The following PIBF1 variants were observed in gnomAD, a reference collection of about 807,000 sequenced individuals.
PIBF1 encodes progesterone immunomodulatory binding factor 1.
A neutral mutation model predicts 112.5 loss-of-function variants in PIBF1; 90 were observed. The ratio of observed to expected loss-of-function variants is 0.80; its 90% CI spans 0.67 to 0.95. The LOEUF (loss-of-function observed/expected upper bound fraction) is 0.95, where lower values mean the gene tolerates loss of function less well. Ranked by LOEUF, PIBF1 falls within the 40% of genes least tolerant of loss-of-function variation. The pLI is 0.00. For synonymous variants in PIBF1, 301 were observed against 288.6 expected, an observed-to-expected ratio of 1.04 and a Z score of -0.44; for missense variants, 915 against 852.3, an observed-to-expected ratio of 1.07 and a Z score of -0.92.
At position 72,903,052 on chromosome 13, in the gene PIBF1, C is replaced by T. The variant is rs565757462; in HGVS notation, c.1489-5479C>T. Among the ~76,000 whole-genome samples, 20 of 152,112 alleles carry T rather than the reference C, an allele frequency of 1.3e-4. No individual in the cohort carries two copies. The East Asian group carries it at 1.6e-3, about 12-fold the overall frequency. ...CTAAGATTACAGGCGTGCACCACCACGCCCAGCTAATGTTTTTATGTTTTT... is the reference window on the plus strand; with the variant it reads ...CTAAGATTACAGGCGTGCACCACCATGCCCAGCTAATGTTTTTATGTTTTT... On this transcript the variant is annotated intron_variant, in intron 11 of 17. Transcript: ENST00000326291.
intron 5 of PIBF1, among the ~76,000 whole-genome samples, chr13:72,807,294 G>A (rs1307097391): frequency 1.3e-5 from 2 of 152,082 alleles, no homozygotes; most frequent in Non-Finnish European, 2.9e-5. Context: ...CATTTATTGG[G>A]CTGGGCACAG....
At position 72,888,180 on chromosome 13, in the gene PIBF1, A is replaced by AT. The variant is rs1404118554; in HGVS notation, c.1323-5601dup. Among the ~76,000 whole-genome samples the AT allele has an allele frequency of 1.4e-4, 22 of 152,300 alleles. No individual in the cohort carries two copies. The East Asian group carries it at 4.1e-3, about 28-fold the overall frequency. ...GTGAGAAATTGGGGAGAGGTTAACT[A>AT]TTTAACAATGAAAGAATTGTTGAGA... On this transcript the variant is annotated intron_variant, in intron 10 of 17. Coordinates refer to ENST00000326291, the MANE Select transcript of PIBF1 (RefSeq NM_006346.4).
intron 14 of PIBF1, among the ~76,000 whole-genome samples, 196 bp downstream of exon 14, chr13:72,931,463 G>C (rs2041694499): frequency 6.6e-6 from 1 of 152,044 alleles, no homozygotes; most frequent in Non-Finnish European, 1.5e-5. Flanking sequence ...ACAAAAGGGA[G>C]ATTAAATGCC....
chr13:72,933,276 C>T (rs1373462494), intron 14 of PIBF1, among the ~76,000 whole-genome samples: 2 of 152,188 alleles, frequency 1.3e-5, no homozygotes, highest in Admixed American at 1.3e-4. Flanking sequence ...GTGGCTCATG[C>T]CTATTATCCC....
At chr13:72,808,909 T>C (rs1258666095) in intron 5 of PIBF1, among the ~76,000 whole-genome samples, 2 of 152,168 alleles carry the variant, frequency 1.3e-5, no homozygotes, top group African/African-American at 4.8e-5. Context: ...TCCATAGTGG[T>C]TTACTAAGAG....
In PIBF1 at chr13:72,784,398, A is replaced by G. The variant is rs561864322; in HGVS notation, c.252+677A>G. ...GAGGCAGAGTTTGCAGTGAGCCACA[A>G]TCGTGCCACTGCACTCCAGCCTGGG... On this transcript the variant is annotated intron_variant, in intron 2 of 17. Transcript: ENST00000326291. Among the ~76,000 whole-genome samples, 7 of 152,130 alleles carry G rather than the reference A, an allele frequency of 4.6e-5. No homozygotes were observed. In the South Asian group the frequency reaches 1.0e-3, roughly 23 times the overall value.
chr13:72,836,544 A>G (rs2037369556), intron 9 of PIBF1, among the ~76,000 whole-genome samples: 1 of 152,156 alleles, frequency 6.6e-6, no homozygotes, highest in Admixed American at 6.6e-5. Flanking sequence ...TAAAAACTAT[A>G]TATGTAGAAT....
At chr13:72,887,945 A>T (rs75012373) in intron 10 of PIBF1, among the ~76,000 whole-genome samples, 2 of 152,208 alleles carry the variant, frequency 1.3e-5, no homozygotes, top group Non-Finnish European at 2.9e-5. Flanking sequence ...ACCAAGGTCA[A>T]TACAGTAGAA....
intron 11 of PIBF1, among the ~76,000 whole-genome samples, chr13:72,906,628 G>A (rs1199303064): frequency 6.6e-6 from 1 of 152,072 alleles, no homozygotes; most frequent in Non-Finnish European, 1.5e-5. Flanking sequence ...TTGGGAGATA[G>A]CCCACATCAG....
intron 16 of PIBF1, among the ~76,000 whole-genome samples, chr13:72,976,037 G>A (rs533602939): frequency 3.1e-4 from 47 of 152,194 alleles, no homozygotes; most frequent in African/African-American, 1.1e-3. Flanking sequence ...TTACTCATGA[G>A]TCCAAATAAA....
intron 10 of PIBF1, among the ~76,000 whole-genome samples, chr13:72,855,767 C>T (rs1252681801): frequency 6.6e-6 from 1 of 152,070 alleles, no homozygotes; most frequent in East Asian, 1.9e-4. Flanking sequence ...TATTTTATTA[C>T]GTGTAACGCT....
chr13:72,840,673 G>A (rs1318473319), intron 9 of PIBF1, among the ~76,000 whole-genome samples: 16 of 151,842 alleles, frequency 1.1e-4, no homozygotes, highest in Admixed American at 7.9e-4. Context: ...ACAGGTTCGC[G>A]CCACCACGCC....
intron 11 of PIBF1, among the ~76,000 whole-genome samples, chr13:72,897,838 C>T (rs568827607): frequency 3.9e-5 from 6 of 152,118 alleles, no homozygotes; most frequent in Non-Finnish European, 8.8e-5. Flanking sequence ...AGATAATCAG[C>T]AACACAGTAA....
chr13:72,928,026 CATATAT>C (rs67144729), intron 13 of PIBF1, among the ~76,000 whole-genome samples: 31 of 118,632 alleles, frequency 2.6e-4, no homozygotes, highest in Non-Finnish European at 1.5e-4. Flanking sequence ...CATATATATA[CATATAT>C]ATATATATAT....
chr13:72,842,938 C>T (rs906131369), intron 9 of PIBF1, among the ~76,000 whole-genome samples: 1 of 152,166 alleles, frequency 6.6e-6, no homozygotes, highest in Admixed American at 6.6e-5. Context: ...TTCACTGCTT[C>T]ATTAATAATA....
intron 11 of PIBF1, among the ~76,000 whole-genome samples, chr13:72,900,113 C>T (rs2040427702): frequency 6.6e-6 from 1 of 151,996 alleles, no homozygotes; most frequent in Non-Finnish European, 1.5e-5. Flanking sequence ...ATGACACAAA[C>T]AAATGGAAAC....
intron 8 of PIBF1, among the ~76,000 whole-genome samples, chr13:72,831,488 G>C (rs939145623): frequency 6.6e-6 from 1 of 151,844 alleles, no homozygotes; most frequent in Non-Finnish European, 1.5e-5. Context: ...TGGTTTCAAA[G>C]AACATCTTTA....
intron 16 of PIBF1, among the ~76,000 whole-genome samples, chr13:72,983,734 G>A (rs1439352815): frequency 6.6e-6 from 1 of 151,896 alleles, no homozygotes; most frequent in East Asian, 1.9e-4. Context: ...CCAACAAATT[G>A]CATTTTTCTT....
At chr13:72,926,579 G>A (rs1309009808) in intron 13 of PIBF1, among the ~76,000 whole-genome samples, 1 of 152,170 alleles carries the variant, frequency 6.6e-6, no homozygotes, top group African/African-American at 2.4e-5. Flanking sequence ...ATCGTGTTAT[G>A]TCTAACCAAC....
Sources: allele counts gnomAD v4.1 joint callset (sites outside exome capture counted in the v4.1 genomes callset), GRCh38; gene constraint gnomAD v4.1.1; transcripts MANE v1.5; gene names NCBI Gene and HGNC (gene_info 2026-07-23, HGNC 2026-07-21).